TCF12: variants seen among roughly 807,000 people sequenced by gnomAD.
The protein encoded by TCF12 is transcription factor 12.
TCF12 carries 45 observed loss-of-function variants against 86.0 expected under a neutral mutation model. That is an observed-to-expected ratio of 0.52 (90% CI 0.41 to 0.67). The LOEUF is 0.67. Ranked by LOEUF, TCF12 falls within the 30% of genes least tolerant of loss-of-function variation. The pLI is 0.00. For missense variants in TCF12, 881 were observed against 859.9 expected (o/e 1.02, Z -0.31); for synonymous variants, 330 against 299.6 (o/e 1.10, Z -1.05).
chr15:57,185,824 G>A (rs1008682885), intron 6 of TCF12, among the ~76,000 whole-genome samples: 4 of 152,216 alleles, frequency 2.6e-5, no homozygotes, highest in Admixed American at 1.3e-4. Flanking sequence ...TGAGGCTGCA[G>A]TGAGCCATGT....
chr15:57,091,760 T>G (rs1388492464), intron 4 of TCF12, 29 bp from the exon 5 acceptor site: 2 of 1,560,938 alleles, frequency 1.3e-6, no homozygotes, highest in Non-Finnish European at 1.8e-6. Context: ...AATAATCTCT[T>G]TAATACTCTG....
At chr15:57,150,749 T>C (rs900855522) in intron 5 of TCF12, among the ~76,000 whole-genome samples, 3 of 152,124 alleles carry the variant, frequency 2.0e-5, no homozygotes, top group African/African-American at 4.8e-5. Flanking sequence ...TAAATACGCT[T>C]GATAGCTCAA....
chr15:57,218,952 T>G (rs2058450599), intron 8 of TCF12: 1 of 842,524 alleles, frequency 1.2e-6, no homozygotes. Context: ...TGTACAAGAT[T>G]TAACTGTCTA....
At chr15:57,214,507 A>G (rs1440148989) in intron 8 of TCF12, 1 of 152,170 alleles carries the variant, frequency 6.6e-6, no homozygotes, top group Non-Finnish European at 1.5e-5. Flanking sequence ...TCCATTGGCT[A>G]TATAGGTAGG....
chr15:57,150,155 G>A (rs1318917576), intron 5 of TCF12, among the ~76,000 whole-genome samples: 5 of 152,184 alleles, frequency 3.3e-5, no homozygotes, highest in Admixed American at 6.5e-5. Flanking sequence ...AGAATTCAGA[G>A]AAGCTATGGG....
intron 5 of TCF12, among the ~76,000 whole-genome samples, chr15:57,161,542 A>G (rs913800129): frequency 2.0e-5 from 3 of 152,194 alleles, no homozygotes; most frequent in Non-Finnish European, 4.4e-5. Flanking sequence ...TTTAATATAC[A>G]TATATATGTC....
chr15:57,181,192 AGC>A (rs2151642975), intron 6 of TCF12, among the ~76,000 whole-genome samples: 1 of 152,144 alleles, frequency 6.6e-6, no homozygotes, highest in Admixed American at 6.5e-5. Context: ...GTTTAAGCCA[AGC>A]CACTTAATAA....
chr15:56,932,790 C>T (rs1187495836), intron 3 of TCF12, among the ~76,000 whole-genome samples: 7 of 152,160 alleles, frequency 4.6e-5, no homozygotes, highest in Admixed American at 3.3e-4. Context: ...TTCTTTAATT[C>T]TGCCCACCTT....
intron 3 of TCF12, among the ~76,000 whole-genome samples, chr15:56,925,073 C>A (rs1011306872): frequency 6.6e-6 from 1 of 152,012 alleles, no homozygotes; most frequent in Non-Finnish European, 1.5e-5. Flanking sequence ...ATGGTGGGCA[C>A]CTGTAATCCC....
intron 5 of TCF12, among the ~76,000 whole-genome samples, chr15:57,100,842 T>TA (rs2049689423): frequency 6.6e-6 from 1 of 152,160 alleles, no homozygotes; most frequent in Admixed American, 6.5e-5. Context: ...AATAATTTTT[T>TA]AAAAAAATTT....
intron 6 of TCF12, among the ~76,000 whole-genome samples, chr15:57,172,122 A>G (rs1274010211): frequency 6.6e-6 from 1 of 152,110 alleles, no homozygotes; most frequent in Non-Finnish European, 1.5e-5. Flanking sequence ...TTTTCCTGTT[A>G]TACCCAATCT....
intron 5 of TCF12, among the ~76,000 whole-genome samples, chr15:57,114,240 C>T (rs1238685056): frequency 6.6e-6 from 1 of 152,122 alleles, no homozygotes; most frequent in Non-Finnish European, 1.5e-5. Flanking sequence ...TTGTAGTTGG[C>T]AGTCATCCCA....
rs768985983 is a variant in TCF12 at position 57,262,207 on chromosome 15, A to C, written c.1581A>C (p.Arg527Ser). 24 of 1,589,824 alleles carry C rather than the reference A, an allele frequency of 1.5e-5. No homozygotes were observed. In the South Asian group the frequency reaches 2.5e-4, roughly 16 times the overall value. The change falls in exon 17 of 21, where the codon AGA becomes AGC. Residue 527 changes from arginine (R) to serine (S), a missense_variant and splice_region_variant. This residue lies in a region of TCF12 where 766 missense variants were observed against 718.9 expected (regional missense o/e 1.07). Transcript: ENST00000333725. ...DLNHKTQENY[R>S]GGLQSQSGTV... ...ACCATAAAACACAAGAAAATTATAGAGGTAACTATATTGTTGGTTTTCAGA... is the reference window on the plus strand; with the variant it reads ...ACCATAAAACACAAGAAAATTATAGCGGTAACTATATTGTTGGTTTTCAGA...
intron 11 of TCF12, among the ~76,000 whole-genome samples, chr15:57,233,227 C>T (rs2059238247): frequency 6.6e-6 from 1 of 151,830 alleles, no homozygotes; most frequent in Non-Finnish European, 1.5e-5. Context: ...GGCTGGAGTG[C>T]AGTGGCACAG....
intron 3 of TCF12, among the ~76,000 whole-genome samples, chr15:56,931,192 T>C (rs1183312136): frequency 2.6e-5 from 4 of 152,112 alleles, no homozygotes. Flanking sequence ...TGGACTTGTT[T>C]ATATAAAGCA....
chr15:57,202,442 T>TC (rs1156585898), intron 8 of TCF12, among the ~76,000 whole-genome samples: 1 of 150,998 alleles, frequency 6.6e-6, no homozygotes, highest in Non-Finnish European at 1.5e-5. Context: ...CTCAGCTTTT[T>TC]TTTTTTTTTT....
At chr15:57,132,690 T>C (rs572837104) in intron 5 of TCF12, among the ~76,000 whole-genome samples, 1 of 152,298 alleles carries the variant, frequency 6.6e-6, no homozygotes, top group South Asian at 2.1e-4. Flanking sequence ...ATGAAACCTA[T>C]TTTTCCTGAT....
intron 3 of TCF12, among the ~76,000 whole-genome samples, chr15:56,932,414 TGAG>T (rs1374594968): frequency 6.6e-6 from 1 of 152,160 alleles, no homozygotes; most frequent in African/African-American, 2.4e-5. Context: ...TGGTTTGTCT[TGAG>T]GAGGAATTTA....
Position 57,273,173 on chromosome 15 carries a change from T to C in TCF12, c.1889T>C (p.Leu630Pro). ...AFKELGRMCQ[L>P]HLKSEKPQTK... ...AAAGAGCTTGGCCGAATGTGTCAGC[T>C]TCACTTGAAGAGTGAAAAACCCCAA... Residue 630 changes from leucine to proline, a missense_variant, in exon 19 of 21, where the codon CTT becomes CCT. Physicochemically the swap from Leu to Pro is moderately conservative, Grantham distance 98. Coordinates refer to ENST00000333725, the MANE Select transcript of TCF12 (RefSeq NM_207037.2). 6.2e-7 allele frequency: 1 copy of C among 1,614,202 alleles called. No homozygotes were observed. Among genetic ancestry groups the C allele is most frequent in the Non-Finnish European group, 8.5e-7 (1 of 1,180,036 alleles).
Sources: allele counts gnomAD v4.1 joint callset (sites outside exome capture counted in the v4.1 genomes callset), GRCh38; gene constraint gnomAD v4.1.1; regional missense constraint gnomAD v4.1.1; transcripts MANE v1.5; gene names NCBI Gene and HGNC (gene_info 2026-07-23, HGNC 2026-07-21).